Variants in MDFIC2 observed in about 807,000 individuals in gnomAD.
MDFIC2 encodes MyoD family inhibitor domain containing 2, also known as myoD family inhibitor domain-containing protein 2.
intron 2 of MDFIC2, among the ~76,000 whole-genome samples, chr3:70,225,512 TC>T (rs1171886534): frequency 6.6e-6 from 1 of 152,202 alleles, no homozygotes; most frequent in Non-Finnish European, 1.5e-5. Flanking sequence ...TTTCTATTAT[TC>T]TAGTTTAAGA....
intron 2 of MDFIC2, among the ~76,000 whole-genome samples, chr3:70,288,944 T>C (rs1240813401): frequency 6.6e-6 from 1 of 152,088 alleles, no homozygotes; most frequent in African/African-American, 2.4e-5. Flanking sequence ...ATTTTGAGCC[T>C]ATGTGTGTCT....
At chr3:70,246,600 G>A (rs1375091811) in intron 2 of MDFIC2, among the ~76,000 whole-genome samples, 1 of 151,964 alleles carries the variant, frequency 6.6e-6, no homozygotes, top group Admixed American at 6.6e-5. Context: ...CATGAAATAC[G>A]AGGAACATAC....
At chr3:70,258,465 C>T (rs1173255395) in intron 2 of MDFIC2, among the ~76,000 whole-genome samples, 8 of 152,048 alleles carry the variant, frequency 5.3e-5, no homozygotes, top group African/African-American at 1.9e-4. Context: ...TTGTTACAAC[C>T]TCTGGGTTCA....
At chr3:70,213,721 GA>G (rs1427491281) in intron 2 of MDFIC2, among the ~76,000 whole-genome samples, 4 of 152,054 alleles carry the variant, frequency 2.6e-5, no homozygotes, top group African/African-American at 9.7e-5. Context: ...TAAAATGTAT[GA>G]TTATACTCTC....
chr3:70,242,950 T>TA lies in MDFIC2; in HGVS notation c.89-36161dup, dbSNP rs201506183. Among the ~76,000 whole-genome samples the TA allele has an allele frequency of 9.2e-5, 14 of 152,264 alleles. No homozygotes were observed. The South Asian group carries it at 1.5e-3, about 16-fold the overall frequency. On this transcript the variant is annotated intron_variant, in intron 2 of 3. Transcript: ENST00000567252. Reference sequence around the variant, plus strand: ...AAAAACAACCATCAAAAAAAGACTTTAAAAAAATTGCCCCAGGCCTAACCT... The same window carrying TA: ...AAAAACAACCATCAAAAAAAGACTTTAAAAAAAATTGCCCCAGGCCTAACCT...
chr3:70,206,341 T>G (rs908366175), intron 3 of MDFIC2, among the ~76,000 whole-genome samples: 2 of 152,080 alleles, frequency 1.3e-5, no homozygotes, highest in Admixed American at 6.6e-5. Context: ...CCCAGCTATT[T>G]AAAACATGTT....
At chr3:70,267,649 C>T (rs1701932155) in intron 2 of MDFIC2, among the ~76,000 whole-genome samples, 1 of 149,672 alleles carries the variant, frequency 6.7e-6, no homozygotes, top group Non-Finnish European at 1.5e-5. Context: ...ACCTCCTGAC[C>T]TCGAGGTCCG....
At chr3:70,307,098 C>T (rs1252911506) in intron 2 of MDFIC2, among the ~76,000 whole-genome samples, 2 of 152,102 alleles carry the variant, frequency 1.3e-5, no homozygotes, top group Non-Finnish European at 2.9e-5. Flanking sequence ...TTTAGAGATA[C>T]ACCCTCCTAG....
chr3:70,255,295 A>C (rs959467007), intron 2 of MDFIC2, among the ~76,000 whole-genome samples: 1 of 152,374 alleles, frequency 6.6e-6, no homozygotes, highest in Admixed American at 6.5e-5. Context: ...ATGAAAAAAC[A>C]TACATACTGT....
At chr3:70,234,313 C>T (rs576095816) in intron 2 of MDFIC2, among the ~76,000 whole-genome samples, 12 of 152,246 alleles carry the variant, frequency 7.9e-5, no homozygotes, top group African/African-American at 2.9e-4. Flanking sequence ...ATGCTAGGCA[C>T]TCTGATGAGG....
At chr3:70,258,472 T>C (rs1701837721) in intron 2 of MDFIC2, among the ~76,000 whole-genome samples, 3 of 152,072 alleles carry the variant, frequency 2.0e-5, no homozygotes. Context: ...AACCTCTGGG[T>C]TCAACCGAAA....
chr3:70,199,821 C>T (rs1461610621), intron 3 of MDFIC2, among the ~76,000 whole-genome samples: 1 of 152,168 alleles, frequency 6.6e-6, no homozygotes, highest in Non-Finnish European at 1.5e-5. Flanking sequence ...CCAGGATTCG[C>T]ACCCCTTCTC....
chr3:70,303,779 T>C (rs946455662), intron 2 of MDFIC2, among the ~76,000 whole-genome samples: 1 of 152,128 alleles, frequency 6.6e-6, no homozygotes, highest in African/African-American at 2.4e-5. Flanking sequence ...CCTCCTGGGT[T>C]CCAGAGATTC....
intron 2 of MDFIC2, among the ~76,000 whole-genome samples, chr3:70,240,603 A>C (rs1189937668): frequency 6.6e-6 from 1 of 152,158 alleles, no homozygotes; most frequent in African/African-American, 2.4e-5. Flanking sequence ...AGCTCTAAGA[A>C]AGTGTGAATT....
chr3:70,237,614 G>T (rs764344710), intron 2 of MDFIC2, among the ~76,000 whole-genome samples: 1 of 152,168 alleles, frequency 6.6e-6, no homozygotes, highest in Non-Finnish European at 1.5e-5. Context: ...GCTAAACCTA[G>T]TGTCCTACAT....
chr3:70,199,200 C>A (rs1701210607), intron 3 of MDFIC2, among the ~76,000 whole-genome samples: 2 of 152,186 alleles, frequency 1.3e-5, no homozygotes, highest in South Asian at 2.1e-4. Context: ...ATGCAGGTGA[C>A]CTTAAGGATT....
At chr3:70,242,616 G>A (rs1701674344) in intron 2 of MDFIC2, among the ~76,000 whole-genome samples, 1 of 152,044 alleles carries the variant, frequency 6.6e-6, no homozygotes, top group African/African-American at 2.4e-5. Flanking sequence ...CTGTTAAATG[G>A]TTTCCATTTT....
intron 2 of MDFIC2, among the ~76,000 whole-genome samples, chr3:70,253,268 T>C (rs951804325): frequency 6.6e-6 from 1 of 152,046 alleles, no homozygotes; most frequent in Non-Finnish European, 1.5e-5. Context: ...GAGGGAGCCA[T>C]GTGGATAGGG....
At chr3:70,216,621 A>G (rs553328011) in intron 2 of MDFIC2, among the ~76,000 whole-genome samples, 2 of 152,242 alleles carry the variant, frequency 1.3e-5, no homozygotes, top group East Asian at 3.9e-4. Context: ...ATTTTATTGA[A>G]TATAATGTAT....
Sources: allele counts gnomAD v4.1 joint callset (sites outside exome capture counted in the v4.1 genomes callset), GRCh38; gene constraint gnomAD v4.1.1; transcripts MANE v1.5; gene names NCBI Gene and HGNC (gene_info 2026-07-23, HGNC 2026-07-21).